Variants in ZPBP observed in about 807,000 individuals in gnomAD.
The protein encoded by ZPBP is zona pellucida-binding protein 1.
In ZPBP, 26 loss-of-function variants were observed where a neutral mutation model predicts 44.8. The observed-to-expected ratio is 0.58, with a 90% CI of 0.43 to 0.81. The LOEUF (loss-of-function observed/expected upper bound fraction) is 0.81, where lower values mean the gene tolerates loss of function less well. ZPBP is among the 30% of genes least tolerant of loss of function. The pLI, the probability that ZPBP is intolerant of heterozygous loss-of-function variation, is 0.00. For missense variants in ZPBP, 409 were observed against 434.0 expected (o/e 0.94, Z 0.51); for synonymous variants, 174 against 153.2 (o/e 1.14, Z -1.00).
chr7:50,070,757 C>T (rs1801795436), intron 3 of ZPBP, among the ~76,000 whole-genome samples: 1 of 152,146 alleles, frequency 6.6e-6, no homozygotes, highest in African/African-American at 2.4e-5. Flanking sequence ...CAGGGGGAAG[C>T]ATATTACAGA....
At chr7:49,874,301 T>C (rs1447810546) in intron 2 of ZPBP, among the ~76,000 whole-genome samples, 1 of 152,200 alleles carries the variant, frequency 6.6e-6, no homozygotes, top group East Asian at 1.9e-4. Context: ...TTTTCTATGG[T>C]TAGATATGTT....
intron 7 of ZPBP, among the ~76,000 whole-genome samples, chr7:49,972,947 G>T (rs575841670): frequency 2.3e-4 from 35 of 151,970 alleles, no homozygotes; most frequent in African/African-American, 8.2e-4. Context: ...AACTGATTTT[G>T]ACAAGGAAGC....
At chr7:49,877,477 AAAAAATATATATATAT>A (rs1316093955) in intron 2 of ZPBP, among the ~76,000 whole-genome samples, 3 of 17,306 alleles carry the variant, frequency 1.7e-4, no homozygotes, top group African/African-American at 8.1e-4. Context: ...AAAAAAAAAA[AAAAAATATATATATAT>A]ATATATATAT....
chr7:50,046,771 T>C (rs1800388286), intron 4 of ZPBP, among the ~76,000 whole-genome samples: 1 of 152,160 alleles, frequency 6.6e-6, no homozygotes, highest in Admixed American at 6.5e-5. Context: ...GAAATACCAT[T>C]TGACCCAGCA....
intron 4 of ZPBP, among the ~76,000 whole-genome samples, chr7:50,034,472 C>A (rs541025342): frequency 3.3e-4 from 51 of 152,260 alleles, no homozygotes; most frequent in African/African-American, 1.2e-3. Flanking sequence ...CCACTCCCTG[C>A]CCATCCCAAC....
At chr7:50,083,877 A>T (rs1384270615) in intron 2 of ZPBP, among the ~76,000 whole-genome samples, 1 of 152,048 alleles carries the variant, frequency 6.6e-6, no homozygotes, top group Non-Finnish European at 1.5e-5. Context: ...TTTAAAGAAA[A>T]TAATACCTTT....
chr7:49,906,343 C>CT (rs113516881), intron 1 of ZPBP, among the ~76,000 whole-genome samples: 4 of 151,040 alleles, frequency 2.6e-5, no homozygotes, highest in African/African-American at 7.3e-5. Flanking sequence ...AAAATTTTCT[C>CT]TTTTTTTTTG....
At chr7:49,979,694 T>A (rs2128776102) in intron 7 of ZPBP, among the ~76,000 whole-genome samples, 1 of 150,336 alleles carries the variant, frequency 6.7e-6, no homozygotes, top group South Asian at 2.1e-4. Flanking sequence ...GCAAATATTT[T>A]AACAATTTTA....
intron 6 of ZPBP, among the ~76,000 whole-genome samples, chr7:50,001,295 T>C (rs577309822): frequency 1.3e-5 from 2 of 152,304 alleles, no homozygotes; most frequent in African/African-American, 2.4e-5. Flanking sequence ...CCTCACCTTA[T>C]GAGTTGTACG....
At chr7:49,990,956 G>T (rs1270575870) in intron 6 of ZPBP, among the ~76,000 whole-genome samples, 1 of 152,126 alleles carries the variant, frequency 6.6e-6, no homozygotes, top group Non-Finnish European at 1.5e-5. Flanking sequence ...TATCATACAG[G>T]ATTATAGTCC....
At chr7:50,076,453 T>G (rs1358919501) in intron 3 of ZPBP, among the ~76,000 whole-genome samples, 1 of 151,818 alleles carries the variant, frequency 6.6e-6, no homozygotes, top group Non-Finnish European at 1.5e-5. Flanking sequence ...GCATCCAAAT[T>G]GGAAAGAAAG....
downstream of ZPBP, among the ~76,000 whole-genome samples, chr7:49,932,844 C>A (rs1260500050): frequency 6.6e-6 from 1 of 152,118 alleles, no homozygotes; most frequent in Non-Finnish European, 1.5e-5. Context: ...ATACTGTTCT[C>A]CTGGTAGTAA....
chr7:49,853,283 T>C (rs1263259974), intron 2 of ZPBP, among the ~76,000 whole-genome samples: 1 of 152,224 alleles, frequency 6.6e-6, no homozygotes, highest in Non-Finnish European at 1.5e-5. Flanking sequence ...TAGTCTCCCT[T>C]AGGAACCTGT....
At chr7:49,845,287 T>A in the ZPBP span, among the ~76,000 whole-genome samples, 5,034 of 149,056 alleles carry the variant, frequency 0.034, 117 homozygotes, top group Non-Finnish European at 0.05. Context: ...AACTTAAAAG[T>A]CGAAGGAAAA....
intron 1 of ZPBP, chr7:49,918,004 T>C (rs547354865): frequency 7.9e-5 from 12 of 152,330 alleles, no homozygotes; most frequent in African/African-American, 2.9e-4. Context: ...AATATACACC[T>C]ATGAAACTAT....
At chr7:49,889,572 G>A (rs1440780545) in intron 2 of ZPBP, among the ~76,000 whole-genome samples, 3 of 152,166 alleles carry the variant, frequency 2.0e-5, no homozygotes, top group African/African-American at 7.2e-5. Flanking sequence ...AGGATGAAAA[G>A]AGGAGCGGCT....
intron 6 of ZPBP, among the ~76,000 whole-genome samples, chr7:49,984,948 C>T (rs1054507938): frequency 1.3e-5 from 2 of 152,090 alleles, no homozygotes; most frequent in African/African-American, 4.8e-5. Flanking sequence ...CATGTGGAGT[C>T]TGCATGTTCT....
At chr7:49,878,982 C>T (rs1040690984) in intron 2 of ZPBP, among the ~76,000 whole-genome samples, 3 of 152,140 alleles carry the variant, frequency 2.0e-5, no homozygotes, top group Non-Finnish European at 2.9e-5. Flanking sequence ...GGTCTTCCCA[C>T]GATATTCTTT....
At chr7:50,005,685 A>G (rs1798274193) in intron 6 of ZPBP, among the ~76,000 whole-genome samples, 1 of 151,980 alleles carries the variant, frequency 6.6e-6, no homozygotes, top group Admixed American at 6.6e-5. Context: ...GATCAACTAC[A>G]CAAAAAGGAA....
Sources: allele counts gnomAD v4.1 joint callset (sites outside exome capture counted in the v4.1 genomes callset), GRCh38; gene constraint gnomAD v4.1.1; transcripts MANE v1.5; gene names NCBI Gene and HGNC (gene_info 2026-07-23, HGNC 2026-07-21).